The following MGAM variants were observed in gnomAD, a reference collection of about 807,000 sequenced individuals.
MGAM encodes the protein alpha-1,4-glucosidase.
A neutral mutation model predicts 358.8 loss-of-function variants in MGAM; 253 were observed. The observed-to-expected ratio is 0.71, with a 90% CI of 0.64 to 0.78. The LOEUF is 0.78. MGAM is among the 30% of genes least tolerant of loss of function. The pLI is 0.00. For missense variants in MGAM, 3,080 were observed against 3,432.6 expected (o/e 0.90, Z 2.57); for synonymous variants, 1,105 against 1,227.1 (o/e 0.90, Z 2.08).
intron 2 of MGAM, among the ~76,000 whole-genome samples, chr7:141,989,131 G>GTA (rs1563090859): frequency 6.8e-6 from 1 of 148,088 alleles, no homozygotes; most frequent in Non-Finnish European, 1.5e-5. Flanking sequence ...AGAGAAAGAG[G>GTA]GAGAGAGAGA....
In MGAM at chr7:142,090,570, T is replaced by A. The variant is rs1481469089; in HGVS notation, c.6811-1343T>A. ...CATGTAGGCTGGTCTGTTTCTGTTT[T>A]CTCATGTTCCTTTTCTTGCCCTTTA... On this transcript the variant is annotated intron_variant, in intron 57 of 70. Coordinates refer to ENST00000475668, the MANE Select transcript of MGAM (RefSeq NM_001365693.1). 4.1e-5 allele frequency among the ~76,000 whole-genome samples: 6 copies of A among 146,130 alleles called. 2 individuals carry two copies. Among genetic ancestry groups the A allele is most frequent in the Non-Finnish European group, 7.7e-5 (5 of 64,548 alleles).
At chr7:142,033,062 G>A (rs115723073) in intron 14 of MGAM, among the ~76,000 whole-genome samples, 153 bp downstream of exon 14, 22 of 152,068 alleles carry the variant, frequency 1.4e-4, no homozygotes, top group African/African-American at 5.3e-4. Context: ...AACTAGGAAG[G>A]AAAATAAAAA....
chr7:142,083,608 C>G (rs745441145), intron 53 of MGAM, among the ~76,000 whole-genome samples, 195 bp downstream of exon 53: 1 of 146,230 alleles, frequency 6.8e-6, no homozygotes, highest in African/African-American at 2.4e-5. Flanking sequence ...TGCAGAATAG[C>G]AGAAGTTACA....
chr7:142,060,774 G>C (rs1188035469), intron 34 of MGAM, among the ~76,000 whole-genome samples: 6 of 152,140 alleles, frequency 3.9e-5, no homozygotes, highest in African/African-American at 1.4e-4. Flanking sequence ...CTTTTAAACA[G>C]TCTTCAACCC....
At chr7:142,046,588 A>T (rs549027269) in intron 21 of MGAM, among the ~76,000 whole-genome samples, 1 of 152,156 alleles carries the variant, frequency 6.6e-6, no homozygotes, top group Non-Finnish European at 1.5e-5. Context: ...CCACACGGAG[A>T]TTCTAGGTTT....
At position 142,042,064 on chromosome 7, in the gene MGAM, T is replaced by C. The variant is rs1482030417; in HGVS notation, c.2498+1218T>C. Among the ~76,000 whole-genome samples, 51 of 75,786 alleles carry C rather than the reference T, an allele frequency of 6.7e-4. 1 individual carries two copies. Among genetic ancestry groups the C allele is most frequent in the African/African-American group, 2.7e-3 (49 of 18,080 alleles). The allele number at this position is 75,786 out of a possible 152,430, so 49.7% of individuals were successfully genotyped here. On this transcript the variant is annotated intron_variant, in intron 21 of 70. Transcript: ENST00000475668. ...ATATAATATATAATATATATACATA[T>C]AATATATAACATACAATATATAACA... is the stretch of plus-strand genomic sequence containing the variant.
In MGAM at chr7:142,050,261, T is replaced by A; in HGVS notation, c.2614T>A (p.Leu872Ile). The A allele has an allele frequency of 6.2e-7, 1 of 1,613,800 alleles. No individual in the cohort carries two copies. Among genetic ancestry groups the A allele is most frequent in the Non-Finnish European group, 8.5e-7 (1 of 1,179,752 alleles). Residue 872 changes from leucine to isoleucine, a missense_variant, in exon 23 of 71, where the codon TTA (leucine) becomes ATA (isoleucine). Around this residue, in one of 5 missense-constraint regions of MGAM, gnomAD observed 1,816 missense variants for 1,840.5 expected, o/e 0.99. Transcript: ENST00000475668. ...KDTVANKVYL[L>I]CEFSVTQNRL... is the part of the protein sequence containing the mutation. ...TACTGTGGCCAATAAAGTGTATCTT[T>A]TATGTGAGTTTTCTGTCACTCAAGT...
intron 42 of MGAM, among the ~76,000 whole-genome samples, chr7:142,068,360 C>G (rs1027039556): frequency 6.9e-6 from 1 of 144,226 alleles, no homozygotes; most frequent in African/African-American, 2.4e-5. Flanking sequence ...TTGTTTGTCT[C>G]TTTAAGAGTC....
chr7:142,096,115 G>C (rs768880413), intron 64 of MGAM: 102 of 621,216 alleles, frequency 1.6e-4, no homozygotes, highest in Non-Finnish European at 2.6e-4. Context: ...TTACAAGAGA[G>C]AATACATCTA....
At position 142,052,416 on chromosome 7, in the gene MGAM, A is replaced by C; in HGVS notation, c.2928A>C (p.Glu976Asp). The change falls in exon 25 of 71, where the codon GAA becomes GAC. Residue 976 changes from glutamate (E) to aspartate (D), a missense_variant. This residue lies in a region of MGAM where 1,816 missense variants were observed against 1,840.5 expected (regional missense o/e 0.99). Transcript: ENST00000475668. ...CYPDENGASA[E>D]NCTARGCIWE... The stretch of plus-strand genomic sequence containing the variant: ...CTGATGAGAATGGTGCTTCTGCCGA[A>C]AACTGCACTGCCCGTGGCTGTATCT... The C allele has an allele frequency of 6.2e-7, 1 of 1,613,496 alleles. No individual in the cohort carries two copies. The highest frequency in any genetic ancestry group is 8.5e-7 in the Non-Finnish European group (1 of 1,179,716).
chr7:142,076,273 A>G lies in MGAM; in HGVS notation c.5325+21A>G. 2 of 1,512,618 alleles carry G rather than the reference A, an allele frequency of 1.3e-6. 1 individual carries two copies. Among genetic ancestry groups the G allele is most frequent in the Non-Finnish European group, 1.8e-6 (2 of 1,096,998 alleles). 93.7% of individuals were successfully genotyped at this position (1,512,618 alleles called of 1,614,324 possible). On this transcript the variant is annotated intron_variant, in intron 46 of 70. Coordinates refer to ENST00000475668, the MANE Select transcript of MGAM (RefSeq NM_001365693.1). Reference sequence around the variant, plus strand: ...CTCAAGTGAGTAGCATATTTTTATGAATCTTAGGTGTGGGCTTTGGACTGA... The same window carrying G: ...CTCAAGTGAGTAGCATATTTTTATGGATCTTAGGTGTGGGCTTTGGACTGA...
chr7:142,001,418 T>C (rs537497593), intron 1 of MGAM, among the ~76,000 whole-genome samples: 1 of 152,236 alleles, frequency 6.6e-6, no homozygotes, highest in African/African-American at 2.4e-5. Context: ...ATTGATTGGG[T>C]GGAGAATGAG....
At chr7:141,989,873 C>T (rs1369563135) in intron 2 of MGAM, among the ~76,000 whole-genome samples, 1 of 152,150 alleles carries the variant, frequency 6.6e-6, no homozygotes, top group Non-Finnish European at 1.5e-5. Context: ...ACACCTAATC[C>T]ACCCATAGTT....
Position 142,036,278 on chromosome 7 carries a change from G to C in MGAM, c.2069G>C (p.Gly690Ala). The change falls in exon 17 of 71, where the codon GGC becomes GCC. Residue 690 changes from glycine (G) to alanine (A), a missense_variant. Coordinates refer to ENST00000475668, the MANE Select transcript of MGAM (RefSeq NM_001365693.1). ...YPFSRNHNGQ[G>A]YKDQDPASFG... ...TTTTCTAGAAATCACAATGGCCAAG[G>C]CTACAAGGTAAGGCTCCTAGGACAT... 1.2e-6 allele frequency: 2 copies of C among 1,603,040 alleles called. No homozygotes were observed. The highest frequency in any genetic ancestry group is 1.7e-6 in the Non-Finnish European group (2 of 1,174,058).
chr7:142,098,808 A>G (rs1298480837), intron 66 of MGAM, among the ~76,000 whole-genome samples: 3 of 152,168 alleles, frequency 2.0e-5, no homozygotes, highest in Non-Finnish European at 1.5e-5. Flanking sequence ...GACAAAAGAA[A>G]TCATGGAGCA....
rs1813287260 is a variant in MGAM at position 142,070,896 on chromosome 7, A to G, written c.5062-98A>G. 22 of 1,441,512 alleles carry G rather than the reference A, an allele frequency of 1.5e-5. 3 individuals carry two copies. Among genetic ancestry groups the G allele is most frequent in the African/African-American group, 2.7e-5 (2 of 73,876 alleles). The allele number at this position is 1,441,512 out of a possible 1,614,324, so 89.3% of individuals were successfully genotyped here. On this transcript the variant is annotated intron_variant, in intron 43 of 70. Coordinates refer to ENST00000475668, the MANE Select transcript of MGAM (RefSeq NM_001365693.1). ...ATGTTGCAAAGGGTGATGAACAGGCATAAGTTCAGAGGGGAGGATGAGATG... is the reference window on the plus strand; with the variant it reads ...ATGTTGCAAAGGGTGATGAACAGGCGTAAGTTCAGAGGGGAGGATGAGATG...
chr7:141,999,024 T>A (rs1400489741), intron 1 of MGAM, among the ~76,000 whole-genome samples: 1 of 152,022 alleles, frequency 6.6e-6, no homozygotes, highest in Non-Finnish European at 1.5e-5. Flanking sequence ...TAACCCAGTG[T>A]ATATTTATTT....
chr7:142,094,326 C>A (rs551347805), intron 60 of MGAM, 38 bp from the exon 61 acceptor site: 4 of 1,495,812 alleles, frequency 2.7e-6, no homozygotes, highest in Admixed American at 2.0e-5. Flanking sequence ...TGCTTCCTGG[C>A]GGTGCCCTCA....
intron 20 of MGAM, 200 bp from the exon 21 acceptor site, chr7:142,040,522 A>C: frequency 1.5e-6 from 1 of 659,262 alleles, no homozygotes; most frequent in Non-Finnish European, 2.5e-6. Flanking sequence ...TCAGCATGGC[A>C]TAAATTTTTT....
Sources: gnomAD v4.1 joint callset for allele counts (sites outside exome capture counted in the v4.1 genomes callset) on GRCh38, gnomAD v4.1.1 for gene constraint, gnomAD v4.1.1 regional missense constraint, MANE v1.5 for transcripts, NCBI Gene and HGNC (gene_info 2026-07-23, HGNC 2026-07-21) for gene names.